Variants in PPP2R2C observed in about 807,000 individuals in gnomAD.
PPP2R2C encodes protein phosphatase 2 regulatory subunit Bgamma, also known as protein phosphatase 2, regulatory subunit B, gamma.
Under a neutral mutation model 45.3 loss-of-function variants are expected in PPP2R2C, and 10 were observed. That is an observed-to-expected ratio of 0.22 (90% CI 0.14 to 0.37). The LOEUF (loss-of-function observed/expected upper bound fraction) is 0.37, where lower values mean the gene tolerates loss of function less well. PPP2R2C is among the 10% of genes least tolerant of loss of function. The pLI, the probability that PPP2R2C is intolerant of heterozygous loss-of-function variation, is 1.00. For synonymous variants in PPP2R2C, 257 were observed against 245.4 expected (o/e 1.05, Z -0.44); for missense variants, 308 against 619.7 (o/e 0.50, Z 5.34).
chr4:6,551,302 G>T (rs956615605), intron 1 of PPP2R2C, among the ~76,000 whole-genome samples: 1 of 152,228 alleles, frequency 6.6e-6, no homozygotes, highest in African/African-American at 2.4e-5. Flanking sequence ...TTCCAGCACA[G>T]ACCACAGCCT....
chr4:6,542,422 C>T (rs865787397), intron 1 of PPP2R2C, among the ~76,000 whole-genome samples: 4 of 152,294 alleles, frequency 2.6e-5, no homozygotes, highest in Middle Eastern at 3.4e-3. Flanking sequence ...TGGTTGGGCG[C>T]GGTGGCTCAC....
At chr4:6,327,655 G>A (rs1280465695) in intron 8 of PPP2R2C, among the ~76,000 whole-genome samples, 3 of 152,232 alleles carry the variant, frequency 2.0e-5, no homozygotes, top group Non-Finnish European at 2.9e-5. Context: ...CCTGTCTGCT[G>A]GGGGTGTCTG....
chr4:6,498,214 A>G (rs955649878), intron 2 of PPP2R2C, among the ~76,000 whole-genome samples: 2 of 152,250 alleles, frequency 1.3e-5, no homozygotes, highest in South Asian at 2.1e-4. Context: ...CAGGTTCCTG[A>G]AGAACACACA....
rs183855784 is a variant in PPP2R2C at position 6,354,672 on chromosome 4, C to T, written c.626-6662G>A. Reference sequence around the variant, plus strand: ...CCCCCCACCCCCACCCCAACACACACTAACAGGGTGCAGAAGGCAGCTGGT... The same window carrying T: ...CCCCCCACCCCCACCCCAACACACATTAACAGGGTGCAGAAGGCAGCTGGT... On this transcript the variant is annotated intron_variant, in intron 5 of 8. Coordinates refer to ENST00000382599, the MANE Select transcript of PPP2R2C (RefSeq NM_020416.4). 1.6e-4 allele frequency among the ~76,000 whole-genome samples: 23 copies of T among 148,104 alleles called. No individual in the cohort carries two copies. The East Asian group carries it at 3.0e-3, about 19-fold the overall frequency.
chr4:6,516,072 A>G (rs1723819966), intron 2 of PPP2R2C, among the ~76,000 whole-genome samples: 2 of 152,222 alleles, frequency 1.3e-5, no homozygotes, highest in African/African-American at 4.8e-5. Context: ...CTACATCTGC[A>G]AATACTTTAT....
At chr4:6,372,441 T>C (rs896596541) in intron 5 of PPP2R2C, 82 bp downstream of exon 5, 24 of 1,449,618 alleles carry the variant, frequency 1.7e-5, no homozygotes, top group Admixed American at 7.0e-5. Context: ...AAACCAGCTG[T>C]CTGCCAATCA....
At chr4:6,527,943 G>A (rs941127383) in intron 2 of PPP2R2C, among the ~76,000 whole-genome samples, 9 of 152,196 alleles carry the variant, frequency 5.9e-5, no homozygotes, top group Non-Finnish European at 7.3e-5. Context: ...GGCACAGCCC[G>A]TGAGCCCAGA....
chr4:6,466,176 G>A (rs140260094), intron 1 of PPP2R2C, among the ~76,000 whole-genome samples: 2,777 of 152,312 alleles, frequency 0.018, 32 homozygotes, highest in Non-Finnish European at 0.029. Context: ...GGGCTCAGAC[G>A]CTCAAGTGAA....
intron 1 of PPP2R2C, among the ~76,000 whole-genome samples, chr4:6,388,957 C>T (rs779856680): frequency 6.6e-6 from 1 of 152,238 alleles, no homozygotes; most frequent in East Asian, 1.9e-4. Context: ...TGGGCTACCC[C>T]CAAGCCGGTG....
chr4:6,444,726 G>A (rs994394608), intron 1 of PPP2R2C, among the ~76,000 whole-genome samples: 9 of 152,220 alleles, frequency 5.9e-5, no homozygotes, highest in Admixed American at 5.9e-4. Context: ...GTGTCTTCAC[G>A]CTTCCAAGCG....
At chr4:6,366,634 A>G (rs1207273634) in intron 5 of PPP2R2C, among the ~76,000 whole-genome samples, 2 of 152,224 alleles carry the variant, frequency 1.3e-5, no homozygotes, top group African/African-American at 4.8e-5. Flanking sequence ...TGGCAGGGAC[A>G]GGTCAGAGGC....
intron 1 of PPP2R2C, among the ~76,000 whole-genome samples, chr4:6,537,227 A>G (rs574742262): frequency 6.6e-6 from 1 of 152,206 alleles, no homozygotes; most frequent in Admixed American, 6.5e-5. Flanking sequence ...GAATGACATC[A>G]AAGGGGAAAA....
intron 3 of PPP2R2C, among the ~76,000 whole-genome samples, chr4:6,377,925 G>T (rs184338084): frequency 9.8e-5 from 15 of 152,326 alleles, no homozygotes; most frequent in Non-Finnish European, 2.9e-5. Flanking sequence ...CTAAACCAAG[G>T]CTCCTCCCAC....
intron 7 of PPP2R2C, 137 bp downstream of exon 7, chr4:6,333,425 G>T: frequency 9.8e-7 from 1 of 1,015,572 alleles, no homozygotes; most frequent in Non-Finnish European, 1.4e-6. Flanking sequence ...TGAGTTGCTG[G>T]ATTTCTTCAG....
At chr4:6,451,894 C>A (rs761648713) in intron 1 of PPP2R2C, among the ~76,000 whole-genome samples, 28 of 152,106 alleles carry the variant, frequency 1.8e-4, no homozygotes, top group Non-Finnish European at 3.8e-4. Context: ...GGAACCCTCA[C>A]CCCCAAGAAG....
rs1168652696 is a variant in PPP2R2C at position 6,332,562 on chromosome 4, G to A, written c.960+1000C>T. 1.3e-5 allele frequency among the ~76,000 whole-genome samples: 2 copies of A among 152,176 alleles called. No individual in the cohort carries two copies. Among genetic ancestry groups the A allele is most frequent in the African/African-American group, 4.8e-5 (2 of 41,436 alleles). ...TCCCAGCGAGGCCTGCGCCACCCAG[G>A]ACGCTTTCCTACTAGGTCTTCGCAC... is the stretch of plus-strand genomic sequence containing the variant. On this transcript the variant is annotated intron_variant, in intron 7 of 8. Transcript: ENST00000382599. The surrounding 1 kb of genome is among the most constrained non-coding windows in gnomAD (Gnocchi z 4.9).
rs537233975 is a variant in PPP2R2C at position 6,351,975 on chromosome 4, A to G, written c.626-3965T>C. 3.8e-4 allele frequency among the ~76,000 whole-genome samples: 58 copies of G among 152,282 alleles called. No homozygotes were observed. The South Asian group carries it at 0.011, about 29-fold the overall frequency. ...GGTGGCCCCTGTTGGTGCTCCCTCA[A>G]TCCATCATAACACAGGGCCCTGAAG... On this transcript the variant is annotated intron_variant, in intron 5 of 8. Transcript: ENST00000382599.
chr4:6,532,916 T>A (rs1392127732), intron 2 of PPP2R2C, among the ~76,000 whole-genome samples: 3 of 152,354 alleles, frequency 2.0e-5, no homozygotes, highest in Non-Finnish European at 4.4e-5. Context: ...CCCAGCATTG[T>A]CTGCTCTATT....
chr4:6,511,549 G>GTGGTGA (rs1560593942), intron 2 of PPP2R2C, among the ~76,000 whole-genome samples: 1 of 33,826 alleles, frequency 3.0e-5, no homozygotes, highest in African/African-American at 9.8e-5. Flanking sequence ...GGTGGTGATG[G>GTGGTGA]TGGTGGTGGT....
Sources: gnomAD v4.1 joint callset for allele counts (sites outside exome capture counted in the v4.1 genomes callset) on GRCh38, gnomAD v4.1.1 for gene constraint, Gnocchi (gnomAD v3.1) non-coding constraint, MANE v1.5 for transcripts, NCBI Gene and HGNC (gene_info 2026-07-23, HGNC 2026-07-21) for gene names.